The following CATSPER4 variants were observed in gnomAD, a reference collection of about 807,000 sequenced individuals.
CATSPER4 encodes cation channel sperm-associated protein 4.
Under a neutral mutation model 54.4 loss-of-function variants are expected in CATSPER4, and 46 were observed. That is an observed-to-expected ratio of 0.84 (90% CI 0.67 to 1.08). The LOEUF is 1.08. Ranked by LOEUF, CATSPER4 falls within the 50% of genes least tolerant of loss-of-function variation. CATSPER4 has a pLI of 0.00. For missense variants in CATSPER4, 574 were observed against 612.8 expected (o/e 0.94, Z 0.67); for synonymous variants, 230 against 231.9 (o/e 0.99, Z 0.08).
intron 7 of CATSPER4, 27 bp from the exon 8 acceptor site, chr1:26,200,803 G>C (rs781505204): frequency 1.2e-5 from 19 of 1,596,382 alleles, no homozygotes; most frequent in Non-Finnish European, 1.5e-5. Flanking sequence ...GAGCTGTCCC[G>C]ACCCCTCTCT....
Position 26,199,598 on chromosome 1 carries a change from C to CAAAAAAAAAAAAAAAAAA in CATSPER4, c.813-273_813-272insAAAAAAAAAAAAAAAAAA, listed in dbSNP as rs561742837. The stretch of plus-strand genomic sequence containing the variant: ...TGGGCAACACAGCGAGACTCCATCT[C>CAAAAAAAAAAAAAAAAAA]AAAAAAAAAAAAAGGAGTGTAGCTA... On this transcript the variant is annotated intron_variant, in intron 6 of 9. Coordinates refer to ENST00000456354, the MANE Select transcript of CATSPER4 (RefSeq NM_198137.2). 1.6e-3 allele frequency among the ~76,000 whole-genome samples: 177 copies of CAAAAAAAAAAAAAAAAAA among 113,634 alleles called. 4 individuals are homozygous for CAAAAAAAAAAAAAAAAAA. Among genetic ancestry groups the CAAAAAAAAAAAAAAAAAA allele is most frequent in the Non-Finnish European group, 2.3e-3 (126 of 53,970 alleles). The allele number at this position is 113,634 out of a possible 152,430, so 74.5% of individuals were successfully genotyped here.
rs1211934815 is a variant in CATSPER4 at position 26,202,871 on chromosome 1, T to TG, written c.*335dup. On this transcript the variant is annotated 3_prime_UTR_variant, in exon 10 of 10. Transcript: ENST00000456354. ...GCCCCCTGCTCTTGCCCAGAGCTGGTGGGGGGCCTCAGTGGGCCCCAGAAC... is the reference window on the plus strand; with the variant it reads ...GCCCCCTGCTCTTGCCCAGAGCTGGTGGGGGGGCCTCAGTGGGCCCCAGAAC... The TG allele has an allele frequency of 1.2e-5, 5 of 411,060 alleles. No individual in the cohort carries two copies. Among genetic ancestry groups the TG allele is most frequent in the South Asian group, 6.0e-5 (2 of 33,540 alleles). 25.5% of individuals were successfully genotyped at this position (411,060 alleles called of 1,614,324 possible).
Position 26,200,942 on chromosome 1 carries a change from C to T in CATSPER4, c.1100C>T (p.Ser367Leu), listed in dbSNP as rs1367050825. Residue 367 changes from serine (S) to leucine (L), a missense_variant, in exon 8 of 10, where the codon TCG (serine) becomes TTG (leucine). By Grantham distance (145) the Ser-to-Leu change is moderately radical (BLOSUM62 -2). Coordinates refer to ENST00000456354, the MANE Select transcript of CATSPER4 (RefSeq NM_198137.2). ...GAACCCCTTGCGGGAGGCCCCCTGT[C>T]GAACCTCTCAGAAAACACGTGTGAC... ...LQEPLAGGPL[S>L]NLSENTCDNF... 3.1e-6 allele frequency: 5 copies of T among 1,614,032 alleles called. No homozygotes were observed. The highest frequency in any genetic ancestry group is 4.5e-5 in the East Asian group (2 of 44,844).
At chr1:26,199,160 C>T (rs2088977430) in intron 6 of CATSPER4, among the ~76,000 whole-genome samples, 1 of 151,862 alleles carries the variant, frequency 6.6e-6, no homozygotes, top group African/African-American at 2.4e-5. Flanking sequence ...AAACAAAGCC[C>T]AGTGCAGTGG....
intron 8 of CATSPER4, 91 bp from the exon 9 acceptor site, chr1:26,201,263 G>A: frequency 7.2e-7 from 1 of 1,392,178 alleles, no homozygotes; most frequent in Non-Finnish European, 1.0e-6. Context: ...CTGCGTGGGA[G>A]AGCGAAGCGG....
chr1:26,193,476 G>T (rs2088894520), intron 2 of CATSPER4, among the ~76,000 whole-genome samples: 1 of 152,154 alleles, frequency 6.6e-6, no homozygotes, highest in Non-Finnish European at 1.5e-5. Flanking sequence ...AAAGTTCATA[G>T]TCAGACAACC....
rs2088934073 is a variant in CATSPER4, at chr1:26,195,999, G to A, written c.460-1687G>A. Among the ~76,000 whole-genome samples, 3 of 152,074 alleles carry A rather than the reference G, an allele frequency of 2.0e-5. No individual in the cohort carries two copies. The South Asian group carries it at 6.2e-4, about 31-fold the overall frequency. ...ACAGTATTTATTTTTACAATAATCA[G>A]CAAATATGTATATACCCTCGATCTT... On this transcript the variant is annotated intron_variant, in intron 3 of 9. Coordinates refer to ENST00000456354, the MANE Select transcript of CATSPER4 (RefSeq NM_198137.2).
chr1:26,191,179 C>T (rs2088863162), intron 1 of CATSPER4, 108 bp from the exon 2 acceptor site: 6 of 1,289,038 alleles, frequency 4.7e-6, no homozygotes, highest in South Asian at 2.5e-5. Context: ...CAGATGATTT[C>T]CCCCCTCTAG....
chr1:26,190,963 T>C, intron 1 of CATSPER4, 123 bp downstream of exon 1: 6 of 899,026 alleles, frequency 6.7e-6, no homozygotes, highest in Non-Finnish European at 1.1e-5. Context: ...CTAGCACTGA[T>C]CCCTGAGTGA....
intron 6 of CATSPER4, among the ~76,000 whole-genome samples, chr1:26,199,432 A>C (rs907776380): frequency 1.2e-5 from 1 of 86,864 alleles, no homozygotes; most frequent in East Asian, 2.2e-4. Flanking sequence ...ACTCTGTCTC[A>C]AAAAAAAAAA....
At chr1:26,193,685 T>TA (rs1196796342) in intron 2 of CATSPER4, 102 bp from the exon 3 acceptor site, 129 of 789,366 alleles carry the variant, frequency 1.6e-4, no homozygotes, top group Middle Eastern at 4.5e-4. Flanking sequence ...GCAGCAGTGA[T>TA]ACGGGACTTC....
rs1321929956 is a variant in CATSPER4 at position 26,198,300 on chromosome 1, T to C, written c.693T>C (p.Phe231=). The C allele has an allele frequency of 6.2e-7, 1 of 1,614,124 alleles. No individual in the cohort carries two copies. The highest frequency in any genetic ancestry group is 1.7e-5 in the Admixed American group (1 of 60,014). The change falls in exon 6 of 10, where the codon TTT becomes TTC. Residue 231 remains phenylalanine (F), a synonymous_variant. Transcript: ENST00000456354. The part of the protein sequence containing the change: ...ILFFMLVFSV[F]GVTLFGAFVP... ...CTCTCTGACAGGTTTTTTCCGTGTT[T>C]GGAGTAACACTCTTTGGTGCATTCG...
intron 2 of CATSPER4, among the ~76,000 whole-genome samples, chr1:26,191,819 C>G (rs556939404): frequency 3.3e-5 from 5 of 152,150 alleles, no homozygotes; most frequent in Non-Finnish European, 7.3e-5. Context: ...GGTCCTGTCT[C>G]AGACACACAG....
chr1:26,193,430 C>G (rs2088893883), intron 2 of CATSPER4, among the ~76,000 whole-genome samples: 2 of 152,202 alleles, frequency 1.3e-5, no homozygotes, highest in African/African-American at 4.8e-5. Context: ...TCCTACCTCC[C>G]TCTCCAAAAT....
At chr1:26,196,305 A>G (rs1298289282) in intron 3 of CATSPER4, among the ~76,000 whole-genome samples, 1 of 150,504 alleles carries the variant, frequency 6.6e-6, no homozygotes, top group Non-Finnish European at 1.5e-5. Context: ...TTATAGCTAC[A>G]TAGCTACATA....
At chr1:26,197,490 T>C (rs563015866) in intron 3 of CATSPER4, among the ~76,000 whole-genome samples, 196 bp from the exon 4 acceptor site, 1 of 152,316 alleles carries the variant, frequency 6.6e-6, no homozygotes, top group East Asian at 1.9e-4. Context: ...TATTGACACA[T>C]GTATGGGACA....
chr1:26,200,431 C>T (rs934541210), intron 7 of CATSPER4, among the ~76,000 whole-genome samples: 6 of 151,996 alleles, frequency 3.9e-5, no homozygotes, highest in African/African-American at 1.5e-4. Context: ...AGTAAGCACT[C>T]AATAAATGTT....
At chr1:26,199,052 A>C (rs2088976120) in intron 6 of CATSPER4, among the ~76,000 whole-genome samples, 1 of 152,148 alleles carries the variant, frequency 6.6e-6, no homozygotes, top group South Asian at 2.1e-4. Flanking sequence ...CACGCCTGTA[A>C]TCCCAGCACC....
At chr1:26,191,507 C>T in intron 2 of CATSPER4, 77 bp downstream of exon 2, 1 of 1,511,796 alleles carries the variant, frequency 6.6e-7, no homozygotes, top group East Asian at 2.3e-5. Context: ...GCCTCAGGCT[C>T]CTCATCTGTC....
Sources: allele counts gnomAD v4.1 joint callset (sites outside exome capture counted in the v4.1 genomes callset), GRCh38; gene constraint gnomAD v4.1.1; transcripts MANE v1.5; gene names NCBI Gene and HGNC (gene_info 2026-07-23, HGNC 2026-07-21).